The following SYCP2 variants were observed in gnomAD, a reference collection of about 807,000 sequenced individuals.
SYCP2 encodes the protein synaptonemal complex lateral element protein.
A neutral mutation model predicts 211.3 loss-of-function variants in SYCP2; 55 were observed. The observed-to-expected ratio is 0.26, with a 90% CI of 0.21 to 0.33. The LOEUF (loss-of-function observed/expected upper bound fraction) is 0.33. Among genes scored for constraint, SYCP2 ranks in the 10% least tolerant of loss-of-function variants. SYCP2 has a pLI of 1.00. For missense variants in SYCP2, 1,731 were observed against 1,752.0 expected, an observed-to-expected ratio of 0.99 and a Z score of 0.21; for synonymous variants, 570 against 555.2, an observed-to-expected ratio of 1.03 and a Z score of -0.37.
chr20:59,905,216 C>T (rs1389914343), intron 15 of SYCP2, among the ~76,000 whole-genome samples: 1 of 152,132 alleles, frequency 6.6e-6, no homozygotes, highest in Admixed American at 6.5e-5. Context: ...TCTTCAAAAG[C>T]TAATCATATG....
rs201734735 is a variant in SYCP2, at chr20:59,877,488, C to T, written c.3047G>A (p.Arg1016Gln). ...TIPEGRIRLPRKATKTKKNYK... is the reference protein window; with the variant it reads ...TIPEGRIRLPQKATKTKKNYK... ...GTTTTTTTTTGTTTTGGTTGCTTTTCGTGGAAGTCTGATTCTTCCTTCCGG... is the reference window on the plus strand; with the variant it reads ...GTTTTTTTTTGTTTTGGTTGCTTTTTGTGGAAGTCTGATTCTTCCTTCCGG... Residue 1016 changes from arginine to glutamine, a missense_variant, in exon 33 of 45, where the codon CGA becomes CAA. Arg to Gln is a conservative substitution (Grantham distance 43). This residue lies in a region of SYCP2 where 1,387 missense variants were observed against 1,351.3 expected (regional missense o/e 1.03). Coordinates refer to ENST00000357552, the MANE Select transcript of SYCP2 (RefSeq NM_014258.4). 86 of 1,604,776 alleles carry T rather than the reference C, an allele frequency of 5.4e-5. No individual in the cohort carries two copies. In the East Asian group the frequency reaches 1.7e-3, roughly 32 times the overall value.
rs2060482173 is a variant in SYCP2 at position 59,918,407 on chromosome 20, C to T, written c.427+751G>A. Among the ~76,000 whole-genome samples the T allele has an allele frequency of 2.0e-5, 3 of 152,188 alleles. No individual in the cohort carries two copies. The South Asian group carries it at 6.2e-4, about 31-fold the overall frequency. ...AGGAAGCAACATCTCCATTTCCACA[C>T]AAATTTGCAGGGAATATATTTTTTC... On this transcript the variant is annotated intron_variant, in intron 7 of 44. Coordinates refer to ENST00000357552, the MANE Select transcript of SYCP2 (RefSeq NM_014258.4).
chr20:59,920,923 T>A (rs2060529842), intron 4 of SYCP2, among the ~76,000 whole-genome samples: 1 of 151,570 alleles, frequency 6.6e-6, no homozygotes, highest in Admixed American at 6.6e-5. Context: ...AAGTTTGGGG[T>A]GATTTTTCTA....
intron 7 of SYCP2, among the ~76,000 whole-genome samples, chr20:59,916,929 T>C (rs116410190): frequency 0.026 from 4,014 of 152,040 alleles, 186 homozygotes; most frequent in African/African-American, 0.092. Flanking sequence ...AAAATAAAAA[T>C]AAATAAAGAG....
In SYCP2 at chr20:59,914,098, A is replaced by G; in HGVS notation, c.777+11T>C. ...AAATTCACGAATTTCTGTTATTGTT[A>G]TACAACTTACTGTTTCAAATTCAGA... On this transcript the variant is annotated intron_variant, in intron 11 of 44. Transcript: ENST00000357552. 1 of 1,589,908 alleles carries G rather than the reference A, an allele frequency of 6.3e-7. No individual in the cohort carries two copies. Among genetic ancestry groups the G allele is most frequent in the Middle Eastern group, 1.7e-4 (1 of 5,906 alleles).
chr20:59,905,291 A>G (rs1323636334), intron 15 of SYCP2, among the ~76,000 whole-genome samples: 1 of 152,210 alleles, frequency 6.6e-6, no homozygotes, highest in Non-Finnish European at 1.5e-5. Flanking sequence ...ACATATTTTC[A>G]GAAGTAATTA....
chr20:59,921,596 T>C (rs2060542420), intron 3 of SYCP2, 143 bp from the exon 4 acceptor site: 1 of 461,718 alleles, frequency 2.2e-6, no homozygotes. Context: ...TTTAAAAATA[T>C]GGCCACTATT....
In SYCP2 at chr20:59,875,270, C is replaced by T; in HGVS notation, c.3349+1G>A. 6.3e-7 allele frequency: 1 copy of T among 1,582,202 alleles called. No homozygotes were observed. Among genetic ancestry groups the T allele is most frequent in the South Asian group, 1.2e-5 (1 of 86,204 alleles). On this transcript the variant is annotated splice_donor_variant, in intron 34 of 44. Coordinates refer to ENST00000357552, the MANE Select transcript of SYCP2 (RefSeq NM_014258.4). LOFTEE classifies it high-confidence loss of function. ...TAAAGAAAAAACAAAGTTATACTGA[C>T]ATCTCGTTACTTCTATAGATGATGG...
chr20:59,897,217 C>T (rs1333467116), intron 18 of SYCP2, among the ~76,000 whole-genome samples: 1 of 152,012 alleles, frequency 6.6e-6, no homozygotes, highest in Non-Finnish European at 1.5e-5. Flanking sequence ...GGTTTTAAGG[C>T]ACCTGTCCCT....
At chr20:59,868,631 CT>C in intron 37 of SYCP2, 63 bp from the exon 38 acceptor site, 1 of 1,491,654 alleles carries the variant, frequency 6.7e-7, no homozygotes, top group Non-Finnish European at 8.9e-7. Context: ...CTCATATTTT[CT>C]TGCTTTTATT....
At chr20:59,880,516 T>C (rs1387489402) in intron 30 of SYCP2, 45 bp from the exon 31 acceptor site, 14 of 1,193,558 alleles carry the variant, frequency 1.2e-5, no homozygotes, top group Non-Finnish European at 1.6e-5. Flanking sequence ...CTACATCTCA[T>C]TATGTCATGC....
intron 33 of SYCP2, among the ~76,000 whole-genome samples, chr20:59,875,704 C>T (rs1333990129): frequency 6.6e-6 from 1 of 151,942 alleles, no homozygotes; most frequent in African/African-American, 2.4e-5. Flanking sequence ...TACAAATAGC[C>T]TTCTTTGAGG....
chr20:59,925,197 A>C (rs563763726), intron 2 of SYCP2, among the ~76,000 whole-genome samples: 2 of 152,154 alleles, frequency 1.3e-5, no homozygotes, highest in African/African-American at 2.4e-5. Context: ...GAGGGGAACA[A>C]CACACACTGG....
At chr20:59,885,599 A>T (rs1301322843) in intron 26 of SYCP2, among the ~76,000 whole-genome samples, 1 of 152,136 alleles carries the variant, frequency 6.6e-6, no homozygotes, top group Non-Finnish European at 1.5e-5. Context: ...CTTCAGTAGG[A>T]TCTAATTGTT....
chr20:59,910,459 C>T (rs1439214346), intron 14 of SYCP2, among the ~76,000 whole-genome samples: 1 of 140,178 alleles, frequency 7.1e-6, no homozygotes, highest in Non-Finnish European at 1.5e-5. Context: ...CGGCTCACTG[C>T]AAGCTCCGCT....
chr20:59,879,844 T>C (rs1051416818), intron 31 of SYCP2, among the ~76,000 whole-genome samples: 2 of 127,902 alleles, frequency 1.6e-5, no homozygotes, highest in Non-Finnish European at 3.2e-5. Flanking sequence ...TATATATATA[T>C]ATATATATAT....
intron 14 of SYCP2, among the ~76,000 whole-genome samples, chr20:59,909,003 GT>G (rs2060266406): frequency 6.6e-6 from 1 of 152,038 alleles, no homozygotes; most frequent in African/African-American, 2.4e-5. Context: ...TCTTTCATGG[GT>G]TACCAGTTTT....
At chr20:59,922,536 T>C (rs1298232599) in intron 2 of SYCP2, 77 bp from the exon 3 acceptor site, 1 of 625,250 alleles carries the variant, frequency 1.6e-6, no homozygotes, top group African/African-American at 1.9e-5. Flanking sequence ...CTTACACACA[T>C]AAATATGCAT....
rs1458419389 is a variant in SYCP2 at position 59,880,981 on chromosome 20, T to A, written c.2757A>T (p.Lys919Asn). The change falls in exon 30 of 45, where the codon AAA becomes AAT. Residue 919 changes from lysine (K) to asparagine (N), a missense_variant. Lys to Asn is a moderately conservative substitution (Grantham distance 94). Transcript: ENST00000357552. ...TATAACTTACTTTTTTATCTTTTGT[T>A]TTGACAGAAGATTTAAGTTCATCAT... ...RNHDELKSSV[K>N]TKDKKIITNH... 6.7e-7 allele frequency: 1 copy of A among 1,484,398 alleles called. No homozygotes were observed. Among genetic ancestry groups the A allele is most frequent in the Non-Finnish European group, 9.2e-7 (1 of 1,084,242 alleles). The allele number at this position is 1,484,398 out of a possible 1,614,324, so 92.0% of individuals were successfully genotyped here.
Sources: gnomAD v4.1 joint callset for allele counts (sites outside exome capture counted in the v4.1 genomes callset) on GRCh38, gnomAD v4.1.1 for gene constraint, gnomAD v4.1.1 regional missense constraint, MANE v1.5 for transcripts, NCBI Gene and HGNC (gene_info 2026-07-23, HGNC 2026-07-21) for gene names.